Variants in CTNNA3 observed in about 807,000 individuals in gnomAD.
CTNNA3 encodes the protein catenin alpha 3, also known as catenin alpha-3.
CTNNA3 carries 76 observed loss-of-function variants against 95.7 expected under a neutral mutation model. The observed-to-expected ratio is 0.79, with a 90% CI of 0.66 to 0.96. The LOEUF (loss-of-function observed/expected upper bound fraction) is 0.96. Ranked by LOEUF, CTNNA3 falls within the 40% of genes least tolerant of loss-of-function variation. The pLI, the probability that CTNNA3 is intolerant of heterozygous loss-of-function variation, is 0.00. For synonymous variants in CTNNA3, 431 were observed against 374.4 expected (o/e 1.15, Z -1.74); for missense variants, 1,191 against 1,089.8 (o/e 1.09, Z -1.31).
intron 2 of CTNNA3, among the ~76,000 whole-genome samples, chr10:67,635,183 C>T (rs1271593012): frequency 6.6e-6 from 1 of 151,994 alleles, no homozygotes; most frequent in African/African-American, 2.4e-5. Flanking sequence ...CAATAAATAG[C>T]CTACCAACCA....
At chr10:66,831,224 T>C (rs1352921055) in intron 7 of CTNNA3, among the ~76,000 whole-genome samples, 2 of 152,210 alleles carry the variant, frequency 1.3e-5, no homozygotes, top group East Asian at 3.8e-4. Context: ...ATTTTATTTC[T>C]TTAAACTCCC....
intron 3 of CTNNA3, among the ~76,000 whole-genome samples, chr10:67,584,535 A>C (rs962564424): frequency 6.6e-6 from 1 of 152,226 alleles, no homozygotes; most frequent in Admixed American, 6.5e-5. Context: ...TTGAGGAGGC[A>C]GTCTGTCCAT....
intron 12 of CTNNA3, among the ~76,000 whole-genome samples, chr10:66,316,660 C>T (rs2092105425): frequency 6.6e-6 from 1 of 151,972 alleles, no homozygotes; most frequent in Admixed American, 6.6e-5. Flanking sequence ...CCTATAGACA[C>T]CAGAGAATGT....
intron 7 of CTNNA3, among the ~76,000 whole-genome samples, chr10:67,086,572 G>T (rs771810012): frequency 6.6e-6 from 1 of 151,924 alleles, no homozygotes; most frequent in Admixed American, 6.6e-5. Flanking sequence ...TGTCAAAAAC[G>T]TAGTCTGTTT....
intron 7 of CTNNA3, among the ~76,000 whole-genome samples, chr10:66,843,680 T>A (rs887121500): frequency 2.6e-5 from 4 of 152,182 alleles, no homozygotes; most frequent in African/African-American, 9.6e-5. Context: ...GGCATGTTTT[T>A]CAAATGCCTA....
At chr10:66,120,539 A>G (rs1351112219) in intron 13 of CTNNA3, among the ~76,000 whole-genome samples, 1 of 152,148 alleles carries the variant, frequency 6.6e-6, no homozygotes, top group African/African-American at 2.4e-5. Context: ...AAATGGATTT[A>G]TTGTATCTCA....
intron 17 of CTNNA3, among the ~76,000 whole-genome samples, chr10:65,954,276 C>G (rs1160721694): frequency 3.3e-5 from 5 of 152,164 alleles, no homozygotes; most frequent in Non-Finnish European, 5.9e-5. Context: ...TTTGTAGATT[C>G]TGGATATTAG....
chr10:67,226,463 G>A (rs1465162387), intron 5 of CTNNA3, among the ~76,000 whole-genome samples: 1 of 152,184 alleles, frequency 6.6e-6, no homozygotes, highest in African/African-American at 2.4e-5. Context: ...AATCTTAAGA[G>A]CTGTGAGACA....
intron 5 of CTNNA3, among the ~76,000 whole-genome samples, chr10:67,335,566 C>T (rs1260010457): frequency 6.6e-6 from 1 of 152,156 alleles, no homozygotes; most frequent in Non-Finnish European, 1.5e-5. Context: ...TTCACCAAAA[C>T]TTGGGTAAAT....
At chr10:67,079,364 C>A (rs552778999) in intron 7 of CTNNA3, among the ~76,000 whole-genome samples, 6 of 152,134 alleles carry the variant, frequency 3.9e-5, no homozygotes, top group African/African-American at 1.2e-4. Context: ...AGGAACACAG[C>A]GATAGGGCAG....
In CTNNA3 at chr10:66,199,805, A is replaced by ATTTTTT. The variant is rs1226520776; in HGVS notation, c.1884+80659_1884+80664dup. On this transcript the variant is annotated intron_variant, in intron 13 of 17. Transcript: ENST00000433211. Reference sequence around the variant, plus strand: ...TATATATATATATATATATATATATATTTTTTTTTTTTTTTTTTTTTTTTT... The same window carrying ATTTTTT: ...TATATATATATATATATATATATATATTTTTTTTTTTTTTTTTTTTTTTTTTTTTTT... Among the ~76,000 whole-genome samples, 16 of 14,272 alleles carry ATTTTTT rather than the reference A, an allele frequency of 1.1e-3. 1 individual carries two copies. Among genetic ancestry groups the ATTTTTT allele is most frequent in the East Asian group, 2.4e-3 (1 of 420 alleles). 9.4% of individuals were successfully genotyped at this position (14,272 alleles called of 152,430 possible).
At chr10:67,266,299 T>A (rs1651588511) in intron 5 of CTNNA3, among the ~76,000 whole-genome samples, 1 of 151,906 alleles carries the variant, frequency 6.6e-6, no homozygotes, top group Admixed American at 6.6e-5. Context: ...TCAAAAAAAA[T>A]ATATATGTTC....
intron 7 of CTNNA3, among the ~76,000 whole-genome samples, chr10:66,799,367 G>C (rs919444404): frequency 6.6e-6 from 1 of 151,346 alleles, no homozygotes; most frequent in Non-Finnish European, 1.5e-5. Context: ...GTAATAGAGA[G>C]ACAAAATGTA....
intron 12 of CTNNA3, among the ~76,000 whole-genome samples, chr10:66,332,047 G>T (rs2092336930): frequency 1.3e-5 from 2 of 151,942 alleles, no homozygotes; most frequent in African/African-American, 2.4e-5. Flanking sequence ...CTCTCTGTTT[G>T]TCTGTTATTG....
chr10:66,158,544 A>G (rs1220863471), intron 13 of CTNNA3, among the ~76,000 whole-genome samples: 3 of 152,158 alleles, frequency 2.0e-5, no homozygotes, highest in African/African-American at 7.2e-5. Flanking sequence ...TGTTTTGGTG[A>G]CTATGGCCTT....
chr10:67,139,505 C>T (rs998526741), intron 7 of CTNNA3, among the ~76,000 whole-genome samples: 6 of 151,476 alleles, frequency 4.0e-5, no homozygotes, highest in African/African-American at 1.2e-4. Context: ...CTCCCCTTCC[C>T]GGATTCAAGC....
chr10:66,929,601 T>A (rs1216912567), intron 7 of CTNNA3, among the ~76,000 whole-genome samples: 1 of 152,210 alleles, frequency 6.6e-6, no homozygotes, highest in African/African-American at 2.4e-5. Flanking sequence ...TTAATAAATG[T>A]ATAAAACGAA....
chr10:67,248,396 T>C (rs1375711276), intron 5 of CTNNA3, among the ~76,000 whole-genome samples: 1 of 152,094 alleles, frequency 6.6e-6, no homozygotes, highest in Non-Finnish European at 1.5e-5. Flanking sequence ...TCTTTTTTCG[T>C]GTTTTTTGTT....
chr10:67,211,784 C>A (rs775234922), intron 6 of CTNNA3, among the ~76,000 whole-genome samples: 1 of 152,080 alleles, frequency 6.6e-6, no homozygotes, highest in Non-Finnish European at 1.5e-5. Context: ...GGAGGGCTCA[C>A]GAAATATGTG....
Sources: gnomAD v4.1 joint callset for allele counts (sites outside exome capture counted in the v4.1 genomes callset) on GRCh38, gnomAD v4.1.1 for gene constraint, MANE v1.5 for transcripts, NCBI Gene and HGNC (gene_info 2026-07-23, HGNC 2026-07-21) for gene names.